Variants in SLIT2 observed in about 807,000 individuals in gnomAD.
The protein encoded by SLIT2 is slit guidance ligand 2.
SLIT2 carries 41 observed loss-of-function variants against 185.7 expected under a neutral mutation model. That is an observed-to-expected ratio of 0.22 (90% CI 0.17 to 0.29). The LOEUF (loss-of-function observed/expected upper bound fraction) is 0.29, where lower values mean the gene tolerates loss of function less well. Ranked by LOEUF, SLIT2 falls within the 10% of genes least tolerant of loss-of-function variation. SLIT2 has a pLI of 1.00. For synonymous variants in SLIT2, 693 were observed against 680.2 expected (o/e 1.02, Z -0.29); for missense variants, 1,571 against 1,909.0 (o/e 0.82, Z 3.30).
intron 4 of SLIT2, among the ~76,000 whole-genome samples, chr4:20,413,863 A>G (rs1303645080): frequency 6.6e-6 from 1 of 151,674 alleles, no homozygotes; most frequent in Non-Finnish European, 1.5e-5. Flanking sequence ...TTGTTTTTCC[A>G]TTCTGTGAAG....
chr4:20,363,831 A>T (rs1169406291), intron 4 of SLIT2, among the ~76,000 whole-genome samples: 1 of 152,184 alleles, frequency 6.6e-6, no homozygotes, highest in Non-Finnish European at 1.5e-5. Flanking sequence ...ACTATTTATA[A>T]GAGAACGGGG....
intron 4 of SLIT2, among the ~76,000 whole-genome samples, chr4:20,307,298 T>G (rs1233588555): frequency 7.3e-6 from 1 of 136,526 alleles, no homozygotes; most frequent in Non-Finnish European, 1.6e-5. Context: ...AGGGTCTCCT[T>G]GTCACCCAGG....
At chr4:20,383,794 C>A (rs1724724004) in intron 4 of SLIT2, among the ~76,000 whole-genome samples, 2 of 152,140 alleles carry the variant, frequency 1.3e-5, no homozygotes. Flanking sequence ...TCTCCATCTC[C>A]CGGATTCAAG....
rs1722271632 is a variant in SLIT2, at chr4:20,254,105, C to T, written c.179+111C>T. ...CTGTGCCTGGGGCAGCCCTCGCTAG[C>T]TCTCCCCCATGCACATCCTGGGGTT... is the stretch of plus-strand genomic sequence containing the variant. On this transcript the variant is annotated intron_variant, in intron 1 of 36. Coordinates refer to ENST00000504154, the MANE Select transcript of SLIT2 (RefSeq NM_004787.4). This position sits in a 1 kb window ranked among gnomAD's most constrained non-coding sequence, Gnocchi z 5.1. The T allele has an allele frequency of 4.5e-6, 5 of 1,111,154 alleles. No individual in the cohort carries two copies. The South Asian group carries it at 7.1e-5, about 16-fold the overall frequency. The allele number at this position is 1,111,154 out of a possible 1,614,324, so 68.8% of individuals were successfully genotyped here. A position where few individuals can be genotyped will look rare whatever the true frequency, so the allele number is the denominator to read the frequency against.
At chr4:20,455,304 A>G (rs928645966) in intron 4 of SLIT2, among the ~76,000 whole-genome samples, 4 of 152,196 alleles carry the variant, frequency 2.6e-5, no homozygotes, top group African/African-American at 9.6e-5. Context: ...TCTAATGTCT[A>G]GAGGTGAACC....
At chr4:20,313,783 C>T (rs1158366574) in intron 4 of SLIT2, among the ~76,000 whole-genome samples, 2 of 152,018 alleles carry the variant, frequency 1.3e-5, no homozygotes, top group Non-Finnish European at 2.9e-5. Flanking sequence ...GGTTTGTCCT[C>T]CTATGACGAT....
intron 4 of SLIT2, among the ~76,000 whole-genome samples, chr4:20,312,389 A>T (rs950158702): frequency 6.6e-6 from 1 of 152,194 alleles, no homozygotes; most frequent in African/African-American, 2.4e-5. Context: ...TATCATTTTT[A>T]ATTTATGTTC....
chr4:20,576,042 G>A, intron 29 of SLIT2, among the ~76,000 whole-genome samples: 1 of 152,182 alleles, frequency 6.6e-6, no homozygotes, highest in East Asian at 1.9e-4. Context: ...AGAGTAACAT[G>A]TAACTATGTA....
intron 4 of SLIT2, among the ~76,000 whole-genome samples, chr4:20,443,582 TAAAAAAAAAA>T (rs71653885): frequency 1.6e-5 from 1 of 63,060 alleles, no homozygotes; most frequent in Non-Finnish European, 2.8e-5. Context: ...GGAGAAAATC[TAAAAAAAAAA>T]AAAAAAAAAA....
chr4:20,585,906 A>G (rs1727021536), intron 29 of SLIT2, among the ~76,000 whole-genome samples: 1 of 152,216 alleles, frequency 6.6e-6, no homozygotes, highest in Non-Finnish European at 1.5e-5. Context: ...TGTCCTCACA[A>G]TACTATGAGG....
chr4:20,486,948 A>G (rs1043392196), intron 7 of SLIT2, among the ~76,000 whole-genome samples: 5 of 152,078 alleles, frequency 3.3e-5, no homozygotes, highest in Non-Finnish European at 7.4e-5. Context: ...AATATATTAC[A>G]TATAACGTGT....
intron 29 of SLIT2, among the ~76,000 whole-genome samples, chr4:20,582,193 G>C (rs748955522): frequency 6.6e-6 from 1 of 152,160 alleles, no homozygotes; most frequent in Non-Finnish European, 1.5e-5. Context: ...GTTTTCCCGG[G>C]CTCACTCCCC....
At chr4:20,593,708 A>G (rs370403678) in intron 30 of SLIT2, among the ~76,000 whole-genome samples, 2 of 152,144 alleles carry the variant, frequency 1.3e-5, no homozygotes, top group African/African-American at 2.4e-5. Context: ...TTCACAATGT[A>G]TGTATGTATA....
chr4:20,267,467 C>T (rs1713154706), intron 3 of SLIT2, among the ~76,000 whole-genome samples: 1 of 151,812 alleles, frequency 6.6e-6, no homozygotes, highest in African/African-American at 2.4e-5. Flanking sequence ...GCCATCATTG[C>T]TTCATGGCAT....
At chr4:20,303,314 G>T (rs1414883027) in intron 4 of SLIT2, among the ~76,000 whole-genome samples, 1 of 152,158 alleles carries the variant, frequency 6.6e-6, no homozygotes, top group Admixed American at 6.5e-5. Context: ...GAAACAAAGT[G>T]CAGTGGCTCT....
intron 28 of SLIT2, among the ~76,000 whole-genome samples, chr4:20,567,853 C>T (rs1003123954): frequency 6.6e-6 from 1 of 152,012 alleles, no homozygotes; most frequent in African/African-American, 2.4e-5. Flanking sequence ...TACACATGTG[C>T]ACATTATGGT....
rs1405556659 is a variant in SLIT2, at chr4:20,617,749, A to C, written c.4348+99A>C. On this transcript the variant is annotated intron_variant, in intron 36 of 36. Transcript: ENST00000504154. The stretch of plus-strand genomic sequence containing the variant: ...AGAAAAAGTGAAAAAAAAAAAAAAA[A>C]CAGGAGCAACAGAGACAGAGAGAGG... 11 of 704,352 alleles carry C rather than the reference A, an allele frequency of 1.6e-5. No homozygotes were observed. In the Middle Eastern group the frequency reaches 1.2e-3, roughly 78 times the overall value. The allele number at this position is 704,352 out of a possible 1,614,324, so 43.6% of individuals were successfully genotyped here.
intron 12 of SLIT2, among the ~76,000 whole-genome samples, chr4:20,520,191 A>G (rs1310135929): frequency 1.3e-5 from 2 of 152,170 alleles, no homozygotes; most frequent in African/African-American, 4.8e-5. Flanking sequence ...CTTTAGAGAG[A>G]TAATTACCTG....
At chr4:20,258,310 C>T (rs1393848176) in intron 3 of SLIT2, among the ~76,000 whole-genome samples, 2 of 151,438 alleles carry the variant, frequency 1.3e-5, no homozygotes, top group African/African-American at 2.4e-5. Flanking sequence ...AGAAGTTTTG[C>T]TAATTGTTAT....
Sources: gnomAD v4.1 joint callset for allele counts (sites outside exome capture counted in the v4.1 genomes callset) on GRCh38, gnomAD v4.1.1 for gene constraint, Gnocchi (gnomAD v3.1) non-coding constraint, MANE v1.5 for transcripts, NCBI Gene and HGNC (gene_info 2026-07-23, HGNC 2026-07-21) for gene names.